Variants in NUDCD2 observed in about 807,000 individuals in gnomAD.
The protein encoded by NUDCD2 is nudC domain-containing protein 2.
A neutral mutation model predicts 20.8 loss-of-function variants in NUDCD2; 16 were observed. The observed-to-expected ratio is 0.77, with a 90% CI of 0.52 to 1.17. The LOEUF is 1.17. NUDCD2 is among the 50% of genes most tolerant of loss of function. NUDCD2 has a pLI of 0.00. For synonymous variants in NUDCD2, 87 were observed against 72.8 expected, an observed-to-expected ratio of 1.20 and a Z score of -1.00; for missense variants, 199 against 193.9, an observed-to-expected ratio of 1.03 and a Z score of -0.16.
At chr5:163,454,127 A>T (rs941653049) in intron 3 of NUDCD2, 77 bp from the exon 4 acceptor site, 1 of 670,834 alleles carries the variant, frequency 1.5e-6, no homozygotes, top group African/African-American at 1.9e-5. Flanking sequence ...AATTGATAAA[A>T]AAGGATATAT....
chr5:163,447,614 T>C lies in NUDCD2; in HGVS notation c.*6353A>G, dbSNP rs1355281791. On this transcript the variant is annotated 3_prime_UTR_variant, in exon 4 of 4. Transcript: ENST00000302764. Reference sequence around the variant, plus strand: ...GGAATAATACTAATAACCAGCTAGATTTAATTGACATAAAACCCTTCTACC... The same window carrying C: ...GGAATAATACTAATAACCAGCTAGACTTAATTGACATAAAACCCTTCTACC... 6.6e-6 allele frequency: 1 copy of C among 152,218 alleles called. No homozygotes were observed. The highest frequency in any genetic ancestry group is 2.4e-5 in the African/African-American group (1 of 41,460). The allele number at this position is 152,218 out of a possible 1,614,324, so 9.4% of individuals were successfully genotyped here. A position where few individuals can be genotyped will look rare whatever the true frequency, so the allele number is the denominator to read the frequency against.
At position 163,447,754 on chromosome 5, in the gene NUDCD2, T is replaced by C. The variant is rs1056801605; in HGVS notation, c.*6213A>G. ...AAAAGAGATGAAATCATATAAAATATGTTTTTTGACCATAATCTAGAAATC... is the reference window on the plus strand; with the variant it reads ...AAAAGAGATGAAATCATATAAAATACGTTTTTTGACCATAATCTAGAAATC... On this transcript the variant is annotated 3_prime_UTR_variant, in exon 4 of 4. Coordinates refer to ENST00000302764, the MANE Select transcript of NUDCD2 (RefSeq NM_145266.6). 6.6e-6 allele frequency: 1 copy of C among 152,154 alleles called. No homozygotes were observed. The allele number at this position is 152,154 out of a possible 1,614,324, so 9.4% of individuals were successfully genotyped here.
chr5:163,454,694 T>C (rs767275474), intron 3 of NUDCD2, among the ~76,000 whole-genome samples: 1 of 152,218 alleles, frequency 6.6e-6, no homozygotes. Context: ...TTCTAAGAGC[T>C]ATACATATAT....
In NUDCD2 at chr5:163,449,875, C is replaced by T. The variant is rs1041230741; in HGVS notation, c.*4092G>A. ...ATCCATATGCAAAAAAATAAACCTA[C>T]CTAAATTTCACAGCTTATACAAAAA... is the stretch of plus-strand genomic sequence containing the variant. On this transcript the variant is annotated 3_prime_UTR_variant, in exon 4 of 4. Coordinates refer to ENST00000302764, the MANE Select transcript of NUDCD2 (RefSeq NM_145266.6). 6.6e-6 allele frequency: 1 copy of T among 152,136 alleles called. No homozygotes were observed. Among genetic ancestry groups the T allele is most frequent in the Non-Finnish European group, 1.5e-5 (1 of 68,034 alleles). The allele number at this position is 152,136 out of a possible 1,614,324, so 9.4% of individuals were successfully genotyped here.
Position 163,451,025 on chromosome 5 carries a change from A to G in NUDCD2, c.*2942T>C, listed in dbSNP as rs895546161. Reference sequence around the variant, plus strand: ...CCTCTTAAGACATGTAAAGTGAAGGAAGCCAGTAACCAAAGACCACGTATT... The same window carrying G: ...CCTCTTAAGACATGTAAAGTGAAGGGAGCCAGTAACCAAAGACCACGTATT... On this transcript the variant is annotated 3_prime_UTR_variant, in exon 4 of 4. Transcript: ENST00000302764. 6.6e-6 allele frequency: 1 copy of G among 152,238 alleles called. No homozygotes were observed. Among genetic ancestry groups the G allele is most frequent in the African/African-American group, 2.4e-5 (1 of 41,462 alleles). The allele number at this position is 152,238 out of a possible 1,614,324, so 9.4% of individuals were successfully genotyped here. A position where few individuals can be genotyped will look rare whatever the true frequency, so the allele number is the denominator to read the frequency against.
chr5:163,454,725 C>T (rs1319246148), intron 3 of NUDCD2, among the ~76,000 whole-genome samples: 4 of 152,206 alleles, frequency 2.6e-5, no homozygotes, highest in Non-Finnish European at 5.9e-5. Flanking sequence ...ACCCTCACAA[C>T]AGTCCTGTGA....
intron 3 of NUDCD2, among the ~76,000 whole-genome samples, chr5:163,454,720 C>T (rs946512173): frequency 2.0e-5 from 3 of 152,222 alleles, no homozygotes; most frequent in Non-Finnish European, 4.4e-5. Flanking sequence ...ATTTAACCCT[C>T]ACAACAGTCC....
chr5:163,455,327 T>C (rs574959648), intron 3 of NUDCD2, among the ~76,000 whole-genome samples: 1 of 152,208 alleles, frequency 6.6e-6, no homozygotes, highest in Non-Finnish European at 1.5e-5. Flanking sequence ...AACAGGCCAG[T>C]ATGGCAAAAG....
In NUDCD2 at chr5:163,460,096, C is replaced by T. The variant is rs756069521; in HGVS notation, c.-46G>A. 2 of 1,493,862 alleles carry T rather than the reference C, an allele frequency of 1.3e-6. No individual in the cohort carries two copies. Among genetic ancestry groups the T allele is most frequent in the South Asian group, 1.3e-5 (1 of 74,346 alleles). 92.5% of individuals were successfully genotyped at this position (1,493,862 alleles called of 1,614,324 possible). ...CGGCCGCACCAGGCGGAGCCGAGCG[C>T]ACGCGCGGAATCCCACGCTTAGGCT... On this transcript the variant is annotated 5_prime_UTR_variant, in exon 1 of 4. Coordinates refer to ENST00000302764, the MANE Select transcript of NUDCD2 (RefSeq NM_145266.6).
In NUDCD2 at chr5:163,454,044, C is replaced by G. The variant is rs776617172; in HGVS notation, c.397G>C (p.Gly133Arg). The G allele has an allele frequency of 1.3e-6, 2 of 1,537,672 alleles. No homozygotes were observed. The highest frequency in any genetic ancestry group is 3.7e-5 in the Admixed American group (2 of 54,706). ...ATTTCTGCTCCACTGAAGTCAAAAC[C>G]AGGATTCTAAAAGATACAAACATAT... ...TLERFQKENPGFDFSGAEISG... is the reference protein window; with the variant it reads ...TLERFQKENPRFDFSGAEISG... The change falls in exon 4 of 4, where the codon GGT becomes CGT. Residue 133 changes from glycine to arginine, a missense_variant. Physicochemically the swap from Gly to Arg is moderately radical, Grantham distance 125 (BLOSUM62 -2). Transcript: ENST00000302764.
At chr5:163,457,702 C>G (rs527919197) in intron 1 of NUDCD2, 92 bp from the exon 2 acceptor site, 3 of 803,358 alleles carry the variant, frequency 3.7e-6, no homozygotes. Context: ...CTACCTAATC[C>G]ACATCTTATA....
At chr5:163,457,107 C>A (rs575944835) in intron 2 of NUDCD2, 27 bp from the exon 3 acceptor site, 4 of 1,560,384 alleles carry the variant, frequency 2.6e-6, no homozygotes, top group African/African-American at 1.4e-5. Context: ...CACACACACA[C>A]GCACAAATAA....
chr5:163,458,598 AT>A (rs535060940), intron 1 of NUDCD2, among the ~76,000 whole-genome samples: 7 of 151,096 alleles, frequency 4.6e-5, no homozygotes, highest in East Asian at 1.9e-4. Flanking sequence ...ATAAATATAT[AT>A]TTTTTTTTAA....
In NUDCD2 at chr5:163,452,578, A is replaced by T. The variant is rs1326707124; in HGVS notation, c.*1389T>A. 1 of 152,250 alleles carries T rather than the reference A, an allele frequency of 6.6e-6. No individual in the cohort carries two copies. Among genetic ancestry groups the T allele is most frequent in the South Asian group, 2.1e-4 (1 of 4,836 alleles). 9.4% of individuals were successfully genotyped at this position (152,250 alleles called of 1,614,324 possible). ...TAAATTTAAAGTCTGATCAGAAACA[A>T]GGTAGTATTTTGCAACTATCTTCTC... On this transcript the variant is annotated 3_prime_UTR_variant, in exon 4 of 4. Transcript: ENST00000302764.
rs905529037 is a variant in NUDCD2 at position 163,447,461 on chromosome 5, A to C, written c.*6506T>G. ...GTAAGACTCAAAAAAAAAAAAAAAA[A>C]CATGAAGCAAAAAGTGGTAGCATTA... On this transcript the variant is annotated 3_prime_UTR_variant, in exon 4 of 4. Transcript: ENST00000302764. The C allele has an allele frequency of 6.8e-6, 1 of 147,634 alleles. No homozygotes were observed. The highest frequency in any genetic ancestry group is 2.5e-5 in the African/African-American group (1 of 39,430). 9.1% of individuals were successfully genotyped at this position (147,634 alleles called of 1,614,324 possible). A position where few individuals can be genotyped will look rare whatever the true frequency, so the allele number is the denominator to read the frequency against.
At chr5:163,457,436 G>C (rs1758351196) in intron 2 of NUDCD2, 126 bp downstream of exon 2, 2 of 669,938 alleles carry the variant, frequency 3.0e-6, no homozygotes, top group East Asian at 5.3e-5. Context: ...ACATACAACG[G>C]TTTTCAACAC....
rs1403900681 is a variant in NUDCD2 at position 163,448,003 on chromosome 5, T to G, written c.*5964A>C. Reference sequence around the variant, plus strand: ...ACTCTAAGCTCCCACTTTAAGAAAGTAGGAAAATCTAACTGGGTGTGGTGG... The same window carrying G: ...ACTCTAAGCTCCCACTTTAAGAAAGGAGGAAAATCTAACTGGGTGTGGTGG... On this transcript the variant is annotated 3_prime_UTR_variant, in exon 4 of 4. Coordinates refer to ENST00000302764, the MANE Select transcript of NUDCD2 (RefSeq NM_145266.6). The G allele has an allele frequency of 6.6e-6, 1 of 151,700 alleles. No individual in the cohort carries two copies. The highest frequency in any genetic ancestry group is 2.4e-5 in the African/African-American group (1 of 41,282). The allele number at this position is 151,700 out of a possible 1,614,324, so 9.4% of individuals were successfully genotyped here.
rs573150280 is a variant in NUDCD2 at position 163,457,224 on chromosome 5, C to G, written c.239-144G>C. Reference sequence around the variant, plus strand: ...TCGGCTCACTGAAACCTCCGCCCCCCGGGTTCAAGTGATTCTCCTGCCTCA... The same window carrying G: ...TCGGCTCACTGAAACCTCCGCCCCCGGGGTTCAAGTGATTCTCCTGCCTCA... On this transcript the variant is annotated intron_variant, in intron 2 of 3. Coordinates refer to ENST00000302764, the MANE Select transcript of NUDCD2 (RefSeq NM_145266.6). The G allele has an allele frequency of 5.0e-5, 42 of 832,376 alleles. No individual in the cohort carries two copies. The South Asian group carries it at 6.7e-4, about 13-fold the overall frequency. The allele number at this position is 832,376 out of a possible 1,614,324, so 51.6% of individuals were successfully genotyped here.
rs910235833 is a variant in NUDCD2, at chr5:163,448,711, C to T, written c.*5256G>A. On this transcript the variant is annotated 3_prime_UTR_variant, in exon 4 of 4. Coordinates refer to ENST00000302764, the MANE Select transcript of NUDCD2 (RefSeq NM_145266.6). ...ACAATTGCACAATATCCAAAATGAA[C>T]ACAGACATAAAAATCCTCAAAAAAT... 2.0e-5 allele frequency: 3 copies of T among 152,024 alleles called. No individual in the cohort carries two copies. The highest frequency in any genetic ancestry group is 2.1e-4 in the South Asian group (1 of 4,828). The allele number at this position is 152,024 out of a possible 1,614,324, so 9.4% of individuals were successfully genotyped here.
Sources: allele counts gnomAD v4.1 joint callset (sites outside exome capture counted in the v4.1 genomes callset), GRCh38; gene constraint gnomAD v4.1.1; transcripts MANE v1.5; gene names NCBI Gene and HGNC (gene_info 2026-07-23, HGNC 2026-07-21).